LGR5: variants seen among roughly 807,000 people sequenced by gnomAD.
The protein encoded by LGR5 is leucine rich repeat containing G protein-coupled receptor 5, also known as leucine-rich repeat-containing G protein-coupled receptor 5.
In LGR5, 54 loss-of-function variants were observed where a neutral mutation model predicts 76.7. The ratio of observed to expected loss-of-function variants is 0.70; its 90% CI spans 0.57 to 0.88. The LOEUF is 0.88. Among genes scored for constraint, LGR5 ranks in the 40% least tolerant of loss-of-function variants. LGR5 has a pLI of 0.00. For synonymous variants in LGR5, 406 were observed against 421.9 expected (o/e 0.96, Z 0.46); for missense variants, 1,078 against 1,073.3 (o/e 1.00, Z -0.06).
rs1878373670 is a variant in LGR5 at position 71,566,865 on chromosome 12, A to G, written c.1023A>G (p.Ser341=). The change falls in exon 11 of 18, where the codon TCA becomes TCG. Residue 341 remains serine (S), a synonymous_variant. Transcript: ENST00000266674. ...ESLTLTGAQI[S]SLPQTVCNQL... is the part of the protein sequence containing the mutation. ...GGACTTTAACTGGAGCACAGATCTC[A>G]TCTCTTCCTCAAACCGTCTGCAATC... 1 of 1,613,112 alleles carries G rather than the reference A, an allele frequency of 6.2e-7. No homozygotes were observed. Among genetic ancestry groups the G allele is most frequent in the Non-Finnish European group, 8.5e-7 (1 of 1,179,100 alleles).
chr12:71,496,168 A>G (rs1021104152), intron 1 of LGR5, among the ~76,000 whole-genome samples: 1 of 152,088 alleles, frequency 6.6e-6, no homozygotes, highest in Non-Finnish European at 1.5e-5. Context: ...TCAGGAGATC[A>G]AGACCATCCT....
chr12:71,573,685 A>T (rs1148979), intron 13 of LGR5, among the ~76,000 whole-genome samples: 142,299 of 152,204 alleles, frequency 0.93, 67,325 homozygotes, highest in East Asian at 1. Flanking sequence ...TTTTGCTGAC[A>T]TCTAAAGTAT....
chr12:71,584,248 G>C lies in LGR5; in HGVS notation c.2238G>C (p.Lys746Asn), dbSNP rs148408468. 1.9e-6 allele frequency: 3 copies of C among 1,614,150 alleles called. No homozygotes were observed. The highest frequency in any genetic ancestry group is 2.5e-6 in the Non-Finnish European group (3 of 1,180,024). The change falls in exon 18 of 18, where the codon AAG becomes AAC. Residue 746 changes from lysine (K) to asparagine (N), a missense_variant. Physicochemically the swap from Lys to Asn is moderately conservative, Grantham distance 94. Coordinates refer to ENST00000266674, the MANE Select transcript of LGR5 (RefSeq NM_003667.4). ...CFLMMTIAYT[K>N]LYCNLDKGDL... ...TCATGATGACCATTGCCTACACCAA[G>C]CTCTACTGCAATTTGGACAAGGGAG...
At chr12:71,498,416 C>T (rs1206611135) in intron 1 of LGR5, among the ~76,000 whole-genome samples, 1 of 152,132 alleles carries the variant, frequency 6.6e-6, no homozygotes, top group African/African-American at 2.4e-5. Context: ...GATCAAGGTA[C>T]CAGCAGATCC....
chr12:71,568,859 G>A (rs1364046911), intron 11 of LGR5, among the ~76,000 whole-genome samples: 1 of 152,134 alleles, frequency 6.6e-6, no homozygotes, highest in East Asian at 1.9e-4. Context: ...TGCGTCATGT[G>A]CATGGGAATT....
At chr12:71,453,091 A>G (rs1872314208) in intron 1 of LGR5, among the ~76,000 whole-genome samples, 2 of 152,242 alleles carry the variant, frequency 1.3e-5, no homozygotes, top group Non-Finnish European at 2.9e-5. Context: ...AATGTTAAAA[A>G]CAAGAAAAGA....
At chr12:71,447,757 G>T (rs556420923) in intron 1 of LGR5, among the ~76,000 whole-genome samples, 11 of 152,312 alleles carry the variant, frequency 7.2e-5, no homozygotes, top group South Asian at 4.1e-4. Flanking sequence ...GGGCATAGCC[G>T]TGAAGGGCCG....
chr12:71,448,595 A>T (rs1872118873), intron 1 of LGR5: 1 of 152,234 alleles, frequency 6.6e-6, no homozygotes, highest in South Asian at 2.1e-4. Context: ...GAACTCTGTT[A>T]CATAATCAAT....
At chr12:71,568,851 C>T (rs535669871) in intron 11 of LGR5, among the ~76,000 whole-genome samples, 4 of 152,234 alleles carry the variant, frequency 2.6e-5, no homozygotes, top group South Asian at 4.1e-4. Context: ...ACTAGTTTTG[C>T]GTCATGTGCA....
At chr12:71,495,662 T>G (rs1332968222) in intron 1 of LGR5, among the ~76,000 whole-genome samples, 1 of 151,328 alleles carries the variant, frequency 6.6e-6, no homozygotes, top group Non-Finnish European at 1.5e-5. Context: ...ACAAAGATGT[T>G]AAATAACTTC....
intron 1 of LGR5, among the ~76,000 whole-genome samples, chr12:71,501,378 C>G (rs1874595145): frequency 6.6e-6 from 1 of 152,170 alleles, no homozygotes; most frequent in African/African-American, 2.4e-5. Context: ...AAATATTGCA[C>G]TGAAACTTAG....
At position 71,583,901 on chromosome 12, in the gene LGR5, T is replaced by C; in HGVS notation, c.1891T>C (p.Trp631Arg). Residue 631 changes from tryptophan to arginine, a missense_variant, in exon 18 of 18, where the codon TGG becomes CGG. Transcript: ENST00000266674. ...FGSFARHGAW[W>R]ENGVGCHVIG... ...CAGCTTTGCACGACATGGTGCCTGG[T>C]GGGAGAATGGGGTTGGTTGCCATGT... is the stretch of plus-strand genomic sequence containing the variant. 1 of 1,614,150 alleles carries C rather than the reference T, an allele frequency of 6.2e-7. No homozygotes were observed. Among genetic ancestry groups the C allele is most frequent in the Non-Finnish European group, 8.5e-7 (1 of 1,180,026 alleles).
intron 1 of LGR5, among the ~76,000 whole-genome samples, chr12:71,474,272 C>T (rs186710225): frequency 2.4e-3 from 358 of 152,260 alleles, no homozygotes; most frequent in Middle Eastern, 0.014. Flanking sequence ...CTATCTATCA[C>T]CATTTGGTGT....
At chr12:71,477,445 A>G (rs1319856269) in intron 1 of LGR5, among the ~76,000 whole-genome samples, 1 of 149,556 alleles carries the variant, frequency 6.7e-6, no homozygotes, top group Non-Finnish European at 1.5e-5. Flanking sequence ...ATTTAATAAT[A>G]TAATATATAT....
intron 6 of LGR5, among the ~76,000 whole-genome samples, chr12:71,557,117 G>A (rs946826719): frequency 1.3e-5 from 2 of 152,086 alleles, no homozygotes; most frequent in African/African-American, 4.8e-5. Flanking sequence ...TCATGCTAAA[G>A]CAATTCAAAA....
intron 1 of LGR5, among the ~76,000 whole-genome samples, chr12:71,498,939 G>T (rs1288310814): frequency 1.3e-5 from 2 of 152,216 alleles, no homozygotes; most frequent in African/African-American, 2.4e-5. Context: ...AAGGCTCGCA[G>T]CAGTTCCCAT....
intron 4 of LGR5, among the ~76,000 whole-genome samples, chr12:71,543,384 G>C (rs1001546139): frequency 6.6e-6 from 1 of 152,148 alleles, no homozygotes; most frequent in Non-Finnish European, 1.5e-5. Flanking sequence ...CATTCCAAGA[G>C]TAAGACACAG....
At position 71,566,923 on chromosome 12, in the gene LGR5, G is replaced by A. The variant is rs781449893; in HGVS notation, c.1070+11G>A. On this transcript the variant is annotated intron_variant, in intron 11 of 17. Transcript: ENST00000266674. ...TAATCTCCAAGTGCTGTGCGTATCA[G>A]TAAGGCAATAATGTTGTGTAAACAG... 2 of 1,599,958 alleles carry A rather than the reference G, an allele frequency of 1.3e-6. No homozygotes were observed. The highest frequency in any genetic ancestry group is 1.1e-5 in the South Asian group (1 of 90,792).
intron 2 of LGR5, among the ~76,000 whole-genome samples, chr12:71,513,589 G>A (rs965243466): frequency 6.6e-6 from 1 of 152,226 alleles, no homozygotes; most frequent in African/African-American, 2.4e-5. Flanking sequence ...TGTAAATGGA[G>A]ATGATGCCAA....
Sources: gnomAD v4.1 joint callset for allele counts (sites outside exome capture counted in the v4.1 genomes callset) on GRCh38, gnomAD v4.1.1 for gene constraint, MANE v1.5 for transcripts, NCBI Gene and HGNC (gene_info 2026-07-23, HGNC 2026-07-21) for gene names.